The following CCSER1 variants were observed in gnomAD, a reference collection of about 807,000 sequenced individuals.
CCSER1 encodes coiled-coil serine rich protein 1.
Under a neutral mutation model 82.0 loss-of-function variants are expected in CCSER1, and 41 were observed. The observed-to-expected ratio is 0.50, with a 90% CI of 0.39 to 0.65. The LOEUF (loss-of-function observed/expected upper bound fraction) is 0.65. CCSER1 is among the 30% of genes least tolerant of loss of function. The pLI, the probability that CCSER1 is intolerant of heterozygous loss-of-function variation, is 0.00. For synonymous variants in CCSER1, 414 were observed against 383.9 expected (o/e 1.08, Z -0.92); for missense variants, 1,119 against 1,064.2 (o/e 1.05, Z -0.72).
At chr4:90,821,994 T>C (rs1759790033) in intron 8 of CCSER1, among the ~76,000 whole-genome samples, 1 of 152,194 alleles carries the variant, frequency 6.6e-6, no homozygotes, top group Non-Finnish European at 1.5e-5. Context: ...AAAAATCTTA[T>C]ACATGGTTTT....
At chr4:91,374,198 C>A (rs1560621024) in intron 10 of CCSER1, among the ~76,000 whole-genome samples, 1 of 152,016 alleles carries the variant, frequency 6.6e-6, no homozygotes, top group Admixed American at 6.6e-5. Flanking sequence ...AAGGTGGCCG[C>A]ATTTCAAATA....
intron 10 of CCSER1, among the ~76,000 whole-genome samples, chr4:91,351,876 T>C (rs954883391): frequency 6.6e-6 from 1 of 152,178 alleles, no homozygotes; most frequent in African/African-American, 2.4e-5. Flanking sequence ...CAATCTGAAG[T>C]TTCCTCTTTG....
In CCSER1 at chr4:91,219,848, G is replaced by T. The variant is rs190967746; in HGVS notation, c.2217+133854G>T. ...TTAATCACAAACCTATGATTGTTAG[G>T]ATTAGTATCTGTCTCTCATATCTGT... On this transcript the variant is annotated intron_variant, in intron 10 of 10. Coordinates refer to ENST00000509176, the MANE Select transcript of CCSER1 (RefSeq NM_001145065.2). 2.6e-5 allele frequency among the ~76,000 whole-genome samples: 4 copies of T among 152,094 alleles called. No homozygotes were observed. The East Asian group carries it at 7.7e-4, about 29-fold the overall frequency.
chr4:90,653,392 G>A (rs1257819494), intron 6 of CCSER1, among the ~76,000 whole-genome samples: 1 of 151,942 alleles, frequency 6.6e-6, no homozygotes, highest in Non-Finnish European at 1.5e-5. Flanking sequence ...TCATATATCT[G>A]TGCCAATGTT....
chr4:91,187,544 G>GTTTTT (rs35557731), intron 10 of CCSER1, among the ~76,000 whole-genome samples: 7 of 150,750 alleles, frequency 4.6e-5, no homozygotes, highest in African/African-American at 1.7e-4. Flanking sequence ...CAATAAATTT[G>GTTTTT]TTTTTTTTTT....
chr4:91,389,271 TTTTTG>T (rs1180774582), intron 10 of CCSER1, among the ~76,000 whole-genome samples: 1 of 152,034 alleles, frequency 6.6e-6, no homozygotes, highest in Non-Finnish European at 1.5e-5. Flanking sequence ...AGATTCATTT[TTTTTG>T]TTTTGTTTTT....
chr4:90,923,530 T>A (rs1191858593), intron 9 of CCSER1, 83 bp downstream of exon 9: 2 of 898,088 alleles, frequency 2.2e-6, no homozygotes, highest in Admixed American at 2.1e-5. Flanking sequence ...GGCTGCTGTG[T>A]CCATGCATTG....
chr4:91,467,752 T>C (rs1275478875), intron 10 of CCSER1, among the ~76,000 whole-genome samples: 1 of 152,128 alleles, frequency 6.6e-6, no homozygotes, highest in Non-Finnish European at 1.5e-5. Context: ...CATGAAAACA[T>C]GCTCATCATC....
At chr4:91,231,274 A>G (rs1175946502) in intron 10 of CCSER1, among the ~76,000 whole-genome samples, 2 of 151,966 alleles carry the variant, frequency 1.3e-5, no homozygotes, top group East Asian at 1.9e-4. Context: ...AATTAACAGT[A>G]TTTTAAAAAT....
intron 10 of CCSER1, among the ~76,000 whole-genome samples, chr4:91,439,130 A>C (rs1335138406): frequency 6.6e-6 from 1 of 152,162 alleles, no homozygotes; most frequent in Non-Finnish European, 1.5e-5. Flanking sequence ...AATACAGAGA[A>C]CGCCACAAAG....
intron 1 of CCSER1, among the ~76,000 whole-genome samples, chr4:90,296,515 T>C (rs957066071): frequency 6.6e-6 from 1 of 152,202 alleles, no homozygotes; most frequent in Non-Finnish European, 1.5e-5. Flanking sequence ...CATTTGTCAA[T>C]TTTGGCTTTT....
At chr4:90,909,342 G>A (rs1725979151) in intron 8 of CCSER1, among the ~76,000 whole-genome samples, 1 of 152,078 alleles carries the variant, frequency 6.6e-6, no homozygotes, top group South Asian at 2.1e-4. Flanking sequence ...AATTTTGGAG[G>A]TACACAGTTC....
chr4:90,635,830 G>T (rs1725323767), intron 6 of CCSER1, among the ~76,000 whole-genome samples: 1 of 151,796 alleles, frequency 6.6e-6, no homozygotes, highest in South Asian at 2.1e-4. Context: ...CAATTACCCT[G>T]ATTTAATCAC....
intron 3 of CCSER1, among the ~76,000 whole-genome samples, chr4:90,397,589 A>G (rs1458406813): frequency 6.6e-6 from 1 of 152,224 alleles, no homozygotes; most frequent in African/African-American, 2.4e-5. Flanking sequence ...AATTAAATCC[A>G]TAGCCCCTGT....
intron 7 of CCSER1, among the ~76,000 whole-genome samples, chr4:90,809,033 A>G (rs1010397748): frequency 1.3e-5 from 2 of 152,130 alleles, no homozygotes; most frequent in African/African-American, 4.8e-5. Flanking sequence ...ACATGGTATT[A>G]TAAGTCAGGC....
chr4:91,053,919 A>G (rs570292114), intron 9 of CCSER1, among the ~76,000 whole-genome samples: 1 of 152,290 alleles, frequency 6.6e-6, no homozygotes, highest in Non-Finnish European at 1.5e-5. Flanking sequence ...ATGTGCTACC[A>G]TGTATTAAGC....
chr4:91,445,715 C>T (rs1203536163), intron 10 of CCSER1, among the ~76,000 whole-genome samples: 2 of 151,984 alleles, frequency 1.3e-5, no homozygotes, highest in Non-Finnish European at 2.9e-5. Flanking sequence ...ATCTAACTAT[C>T]CACCATCCAT....
rs946263121 is a variant in CCSER1 at position 90,461,126 on chromosome 4, C to T, written c.1604-7108C>T. ...TGTCGCCCAGGCTGGAGTGCAGTGG[C>T]GGGATCTCGGCTCACTGCAAGCTCC... On this transcript the variant is annotated intron_variant, in intron 4 of 10. Coordinates refer to ENST00000509176, the MANE Select transcript of CCSER1 (RefSeq NM_001145065.2). Among the ~76,000 whole-genome samples, 4 of 88,922 alleles carry T rather than the reference C, an allele frequency of 4.5e-5. 1 individual carries two copies. Among genetic ancestry groups the T allele is most frequent in the African/African-American group, 2.6e-4 (4 of 15,388 alleles). 58.3% of individuals were successfully genotyped at this position (88,922 alleles called of 152,430 possible). A position where few individuals can be genotyped will look rare whatever the true frequency, so the allele number is the denominator to read the frequency against.
rs1457252743 is a variant in CCSER1 at position 91,599,377 on chromosome 4, A to G, written c.*320A>G. On this transcript the variant is annotated 3_prime_UTR_variant, in exon 11 of 11. Transcript: ENST00000509176. Reference sequence around the variant, plus strand: ...TTATCTCTATCACTTACTGATATGCATTAAGGTTTCAGAAGATAATATCAA... The same window carrying G: ...TTATCTCTATCACTTACTGATATGCGTTAAGGTTTCAGAAGATAATATCAA... The G allele has an allele frequency of 5.3e-6, 1 of 189,460 alleles. No homozygotes were observed. Among genetic ancestry groups the G allele is most frequent in the Non-Finnish European group, 1.1e-5 (1 of 92,270 alleles). 11.7% of individuals were successfully genotyped at this position (189,460 alleles called of 1,614,324 possible).
Sources: allele counts gnomAD v4.1 joint callset (sites outside exome capture counted in the v4.1 genomes callset), GRCh38; gene constraint gnomAD v4.1.1; transcripts MANE v1.5; gene names NCBI Gene and HGNC (gene_info 2026-07-23, HGNC 2026-07-21).